DNAH7: variants seen among roughly 807,000 people sequenced by gnomAD.
The protein encoded by DNAH7 is dynein axonemal heavy chain 7.
DNAH7 carries 397 observed loss-of-function variants against 444.6 expected under a neutral mutation model. That is an observed-to-expected ratio of 0.89 (90% CI 0.82 to 0.97). DNAH7 has a LOEUF of 0.97. Among genes scored for constraint, DNAH7 ranks in the 50% least tolerant of loss-of-function variants. The pLI is 0.00. For synonymous variants in DNAH7, 1,636 were observed against 1,624.4 expected, an observed-to-expected ratio of 1.01 and a Z score of -0.17; for missense variants, 4,902 against 4,800.8, an observed-to-expected ratio of 1.02 and a Z score of -0.62.
chr2:195,949,436 A>C (rs552848853), intron 19 of DNAH7, among the ~76,000 whole-genome samples: 8 of 152,036 alleles, frequency 5.3e-5, no homozygotes, highest in Non-Finnish European at 1.0e-4. Flanking sequence ...GTCACACACC[A>C]CTACACCTGG....
chr2:195,791,373 AG>A (rs1433757737), intron 57 of DNAH7, among the ~76,000 whole-genome samples: 1 of 145,466 alleles, frequency 6.9e-6, no homozygotes, highest in Admixed American at 7.1e-5. Context: ...AGGCTGAAGC[AG>A]GAAAAAAAAA....
Position 195,862,357 on chromosome 2 carries a change from T to C in DNAH7, c.7507-411A>G, listed in dbSNP as rs147281336. Among the ~76,000 whole-genome samples, 2 of 152,324 alleles carry C rather than the reference T, an allele frequency of 1.3e-5. 1 individual carries two copies. The highest frequency in any genetic ancestry group is 3.9e-4 in the East Asian group (2 of 5,190). ...TTCCAAATCCTCTCTTCTTTCTTTG[T>C]CTACCTCAATCATCCCAATTCAAGC... is the stretch of plus-strand genomic sequence containing the variant. On this transcript the variant is annotated intron_variant, in intron 41 of 64. Transcript: ENST00000312428.
chr2:195,876,116 T>C (rs756226942), intron 37 of DNAH7, among the ~76,000 whole-genome samples: 8 of 152,222 alleles, frequency 5.3e-5, no homozygotes, highest in Non-Finnish European at 7.3e-5. Context: ...TTTCTCAATA[T>C]ACTGCATATT....
intron 55 of DNAH7, 101 bp from the exon 56 acceptor site, chr2:195,796,838 G>A: frequency 3.9e-6 from 5 of 1,286,066 alleles, no homozygotes; most frequent in South Asian, 1.8e-5. Context: ...CAACTTAATT[G>A]GGTCACATGT....
intron 11 of DNAH7, among the ~76,000 whole-genome samples, chr2:196,001,084 C>A (rs1274716549): frequency 6.6e-6 from 1 of 152,050 alleles, no homozygotes; most frequent in Non-Finnish European, 1.5e-5. Context: ...ATTGGGACTA[C>A]AGGTCAACTA....
intron 5 of DNAH7, among the ~76,000 whole-genome samples, chr2:196,045,228 GA>G (rs1697038988): frequency 6.8e-6 from 1 of 147,754 alleles, no homozygotes; most frequent in Non-Finnish European, 1.5e-5. Flanking sequence ...AGAAGGAGAA[GA>G]AGAAAGAGAG....
chr2:195,769,844 A>T (rs1183101), intron 61 of DNAH7, among the ~76,000 whole-genome samples: 12 of 152,306 alleles, frequency 7.9e-5, no homozygotes, highest in African/African-American at 2.6e-4. Flanking sequence ...TTTCAAATAT[A>T]ATCAACGTGA....
Position 195,794,457 on chromosome 2 carries a change from GT to G in DNAH7, c.10596del (p.Leu3533CysfsTer5). The part of the protein sequence containing the change: ...SYPSPNFPVS[V>X]LQNGVKMTNE... ...TTGGTCATTTTCACTCCATTCTGCA[GT>G]ACTGACACAGGGAAATTTGGAGATG... On this transcript the variant is annotated frameshift_variant, in exon 57 of 65. Transcript: ENST00000312428. LOFTEE classifies it high-confidence loss of function. The G allele has an allele frequency of 6.2e-7, 1 of 1,614,198 alleles. No homozygotes were observed. Among genetic ancestry groups the G allele is most frequent in the Non-Finnish European group, 8.5e-7 (1 of 1,180,014 alleles).
At chr2:195,738,236 G>A in intron 64 of DNAH7, 109 bp from the exon 65 acceptor site, 1 of 932,850 alleles carries the variant, frequency 1.1e-6, no homozygotes, top group Non-Finnish European at 1.6e-6. Flanking sequence ...GCAGATTTCT[G>A]TGGCCCAAAT....
chr2:195,910,859 C>A (rs754033186), intron 24 of DNAH7, among the ~76,000 whole-genome samples: 7 of 152,060 alleles, frequency 4.6e-5, no homozygotes, highest in Admixed American at 2.6e-4. Flanking sequence ...ATCCTTCATG[C>A]GGGGCCTGAT....
intron 36 of DNAH7, among the ~76,000 whole-genome samples, chr2:195,880,631 C>A (rs1354414840): frequency 6.6e-6 from 1 of 152,134 alleles, no homozygotes; most frequent in Non-Finnish European, 1.5e-5. Flanking sequence ...AGCCACTGCG[C>A]CCGGCCTGCA....
intron 62 of DNAH7, 127 bp downstream of exon 62, chr2:195,756,006 G>A: frequency 1.1e-6 from 1 of 894,840 alleles, no homozygotes; most frequent in Non-Finnish European, 1.6e-6. Context: ...GAAATATTAA[G>A]TAGTGGTGAT....
At chr2:196,057,158 C>T (rs987424325) in intron 2 of DNAH7, among the ~76,000 whole-genome samples, 21 of 152,206 alleles carry the variant, frequency 1.4e-4, no homozygotes, top group African/African-American at 5.1e-4. Flanking sequence ...TTAAATACCT[C>T]TTAAAAATCT....
At chr2:195,761,980 A>G (rs1694369915) in intron 61 of DNAH7, among the ~76,000 whole-genome samples, 1 of 152,184 alleles carries the variant, frequency 6.6e-6, no homozygotes, top group Non-Finnish European at 1.5e-5. Context: ...TCATATCTTG[A>G]GGAGAAAGAC....
At chr2:195,780,822 TTCA>T in intron 58 of DNAH7, among the ~76,000 whole-genome samples, 1 of 152,186 alleles carries the variant, frequency 6.6e-6, no homozygotes, top group South Asian at 2.1e-4. Context: ...TGAGAATTTT[TTCA>T]TCATTTTTGT....
intron 56 of DNAH7, among the ~76,000 whole-genome samples, chr2:195,796,104 C>T (rs2105993553): frequency 1.3e-5 from 2 of 152,202 alleles, no homozygotes; most frequent in South Asian, 4.2e-4. Flanking sequence ...GGGAACAGTG[C>T]CCTTTGGGTT....
chr2:195,824,947 T>C (rs1697655819), intron 48 of DNAH7: 1 of 152,532 alleles, frequency 6.6e-6, no homozygotes, highest in Non-Finnish European at 1.5e-5. Context: ...CCTAATATTT[T>C]AATAATTGAC....
At chr2:196,067,090 G>A (rs1337212778) in intron 1 of DNAH7, among the ~76,000 whole-genome samples, 1 of 152,308 alleles carries the variant, frequency 6.6e-6, no homozygotes, top group South Asian at 2.1e-4. Context: ...GGGAGTGAGA[G>A]ACTAGGGTGT....
intron 1 of DNAH7, among the ~76,000 whole-genome samples, chr2:196,066,899 G>A (rs1698456998): frequency 6.6e-6 from 1 of 152,102 alleles, no homozygotes; most frequent in Admixed American, 6.5e-5. Context: ...TCCTTCCAAA[G>A]GAAAGCTACA....
Sources: allele counts gnomAD v4.1 joint callset (sites outside exome capture counted in the v4.1 genomes callset), GRCh38; gene constraint gnomAD v4.1.1; transcripts MANE v1.5; gene names NCBI Gene and HGNC (gene_info 2026-07-23, HGNC 2026-07-21).